The following REC114 variants were observed in gnomAD, a reference collection of about 807,000 sequenced individuals.
REC114 encodes the protein REC114 meiotic recombination protein.
Under a neutral mutation model 31.3 loss-of-function variants are expected in REC114, and 27 were observed. The ratio of observed to expected loss-of-function variants is 0.86; its 90% confidence interval spans 0.64 to 1.19. The LOEUF is 1.19. Ranked by LOEUF, REC114 falls within the 50% of genes most tolerant of loss-of-function variation. The pLI is 0.00. For synonymous variants in REC114, 134 were observed against 127.7 expected (o/e 1.05, Z -0.33); for missense variants, 344 against 326.9 (o/e 1.05, Z -0.40).
chr15:73,485,460 A>G (rs1375836678), intron 2 of REC114, among the ~76,000 whole-genome samples: 1 of 152,128 alleles, frequency 6.6e-6, no homozygotes, highest in African/African-American at 2.4e-5. Flanking sequence ...CCTCATGTTA[A>G]ATTGTAATCC....
At chr15:73,470,584 G>A (rs1426598878) in intron 1 of REC114, among the ~76,000 whole-genome samples, 1 of 152,042 alleles carries the variant, frequency 6.6e-6, no homozygotes, top group Non-Finnish European at 1.5e-5. Flanking sequence ...TACTATCCTA[G>A]GCATTTGAAT....
intron 2 of REC114, among the ~76,000 whole-genome samples, chr15:73,491,468 A>C (rs1893445988): frequency 6.6e-6 from 1 of 152,180 alleles, no homozygotes; most frequent in African/African-American, 2.4e-5. Flanking sequence ...GCTTTTATGA[A>C]CATTTATATA....
chr15:73,486,575 AT>A (rs1893372860), intron 2 of REC114, among the ~76,000 whole-genome samples: 1 of 152,190 alleles, frequency 6.6e-6, no homozygotes, highest in Non-Finnish European at 1.5e-5. Context: ...TAGACTGAGC[AT>A]TTTATAAGCA....
At chr15:73,516,410 A>C (rs890410326) in intron 2 of REC114, among the ~76,000 whole-genome samples, 1 of 152,138 alleles carries the variant, frequency 6.6e-6, no homozygotes, top group African/African-American at 2.4e-5. Flanking sequence ...TGATCTTCAA[A>C]AGTCTAGAAC....
chr15:73,505,410 G>A (rs1056137556), intron 2 of REC114, among the ~76,000 whole-genome samples: 23 of 152,048 alleles, frequency 1.5e-4, no homozygotes, highest in African/African-American at 4.6e-4. Flanking sequence ...CAATTGGCCC[G>A]TATGTAGATT....
At chr15:73,471,267 T>G (rs548859332) in intron 1 of REC114, among the ~76,000 whole-genome samples, 1 of 152,278 alleles carries the variant, frequency 6.6e-6, no homozygotes, top group African/African-American at 2.4e-5. Context: ...ATGGATATTT[T>G]GAAGATAGAC....
chr15:73,475,615 A>AT (rs1893200761), intron 2 of REC114, among the ~76,000 whole-genome samples: 1 of 152,220 alleles, frequency 6.6e-6, no homozygotes, highest in Admixed American at 6.5e-5. Flanking sequence ...GTTTTTTAAA[A>AT]TTTTTTTGAA....
intron 2 of REC114, among the ~76,000 whole-genome samples, chr15:73,496,351 CAA>C (rs539098846): frequency 0.018 from 367 of 20,476 alleles, no homozygotes; most frequent in African/African-American, 0.027. Context: ...GACTCCTTCT[CAA>C]AAAAAAAAAA....
intron 1 of REC114, among the ~76,000 whole-genome samples, chr15:73,454,507 A>G (rs1408076287): frequency 6.6e-6 from 1 of 152,178 alleles, no homozygotes; most frequent in East Asian, 1.9e-4. Flanking sequence ...TGAATTATTC[A>G]CCACATTCTA....
At position 73,465,353 on chromosome 15, in the gene REC114, C is replaced by T. The variant is rs559817896; in HGVS notation, c.160-8479C>T. Among the ~76,000 whole-genome samples, 3 of 152,240 alleles carry T rather than the reference C, an allele frequency of 2.0e-5. No homozygotes were observed. In the South Asian group the frequency reaches 6.2e-4, roughly 32 times the overall value. On this transcript the variant is annotated intron_variant, in intron 1 of 5. Coordinates refer to ENST00000331090, the MANE Select transcript of REC114 (RefSeq NM_001042367.2). ...TAACTATATGAGCACATTATGTAGA[C>T]CTTTTGGATGAGGGATTGCAACAGA...
chr15:73,548,600 G>A (rs1157628642), intron 3 of REC114, among the ~76,000 whole-genome samples: 1 of 152,150 alleles, frequency 6.6e-6, no homozygotes, highest in Admixed American at 6.5e-5. Flanking sequence ...CTGTTGGTGG[G>A]AGTGTAAATT....
chr15:73,523,234 G>T (rs976612016), intron 2 of REC114, among the ~76,000 whole-genome samples: 1 of 151,990 alleles, frequency 6.6e-6, no homozygotes, highest in African/African-American at 2.4e-5. Flanking sequence ...AGCAATGAAT[G>T]ATTCATGAAT....
At chr15:73,503,634 G>GT (rs1377133929) in intron 2 of REC114, among the ~76,000 whole-genome samples, 4 of 152,026 alleles carry the variant, frequency 2.6e-5, no homozygotes, top group Non-Finnish European at 5.9e-5. Context: ...CAAATTACAG[G>GT]TTATCTGGCA....
At chr15:73,554,736 T>C (rs971566359) in intron 4 of REC114, among the ~76,000 whole-genome samples, 2 of 152,220 alleles carry the variant, frequency 1.3e-5, no homozygotes, top group African/African-American at 4.8e-5. Flanking sequence ...TCCATCTCTA[T>C]GCTGTTGCAG....
chr15:73,540,441 A>G (rs781387600), intron 2 of REC114, 44 bp from the exon 3 acceptor site: 15 of 1,341,994 alleles, frequency 1.1e-5, no homozygotes, highest in Non-Finnish European at 1.6e-5. Context: ...GCTATTCTTC[A>G]TATTTTTGTT....
chr15:73,489,582 C>T (rs896572335), intron 2 of REC114, among the ~76,000 whole-genome samples: 1 of 151,810 alleles, frequency 6.6e-6, no homozygotes, highest in Non-Finnish European at 1.5e-5. Flanking sequence ...CTTAAAGGCC[C>T]ACCTCTTAAT....
chr15:73,454,047 C>T (rs973177468), intron 1 of REC114, among the ~76,000 whole-genome samples: 2 of 151,924 alleles, frequency 1.3e-5, no homozygotes, highest in Non-Finnish European at 2.9e-5. Flanking sequence ...CAGCAAACCA[C>T]CATAGCACGT....
intron 1 of REC114, among the ~76,000 whole-genome samples, chr15:73,449,332 C>G (rs569838725): frequency 6.6e-6 from 1 of 152,066 alleles, no homozygotes; most frequent in Admixed American, 6.6e-5. Context: ...AAACACAGCA[C>G]GAGAACTTCA....
intron 2 of REC114, among the ~76,000 whole-genome samples, chr15:73,511,317 AT>A (rs1279620442): frequency 6.6e-6 from 1 of 151,122 alleles, no homozygotes; most frequent in East Asian, 1.9e-4. Flanking sequence ...TATTGTGTCT[AT>A]TTGATTCTTC....
Sources: gnomAD v4.1 joint callset for allele counts (sites outside exome capture counted in the v4.1 genomes callset) on GRCh38, gnomAD v4.1.1 for gene constraint, MANE v1.5 for transcripts, NCBI Gene and HGNC (gene_info 2026-07-23, HGNC 2026-07-21) for gene names.